The following EPHA5 variants were observed in gnomAD, a reference collection of about 807,000 sequenced individuals.
EPHA5 encodes EPH receptor A5, also known as ephrin type-A receptor 5.
A neutral mutation model predicts 105.0 loss-of-function variants in EPHA5; 60 were observed. The observed-to-expected ratio is 0.57, with a 90% CI of 0.46 to 0.71. The LOEUF is 0.71. EPHA5 is among the 30% of genes least tolerant of loss of function. The pLI is 0.00. For synonymous variants in EPHA5, 513 were observed against 449.1 expected, an observed-to-expected ratio of 1.14 and a Z score of -1.80; for missense variants, 1,218 against 1,274.7, an observed-to-expected ratio of 0.96 and a Z score of 0.68.
At chr4:65,504,141 G>A (rs948580696) in intron 3 of EPHA5, among the ~76,000 whole-genome samples, 9 of 151,098 alleles carry the variant, frequency 6.0e-5, no homozygotes, top group Non-Finnish European at 1.3e-4. Context: ...TTTTATAGAA[G>A]TGTTTTATCA....
intron 3 of EPHA5, among the ~76,000 whole-genome samples, chr4:65,503,463 T>C (rs1454223216): frequency 6.6e-6 from 1 of 151,938 alleles, no homozygotes; most frequent in Non-Finnish European, 1.5e-5. Context: ...AACTAGAATG[T>C]AAGTTTAAAT....
intron 3 of EPHA5, among the ~76,000 whole-genome samples, chr4:65,570,649 C>T (rs1740037268): frequency 6.6e-6 from 1 of 151,842 alleles, no homozygotes; most frequent in Admixed American, 6.6e-5. Flanking sequence ...AGAGATGACT[C>T]TTTCAGGTGG....
chr4:65,651,056 G>T (rs1372327068), intron 1 of EPHA5, among the ~76,000 whole-genome samples: 4 of 152,146 alleles, frequency 2.6e-5, no homozygotes, highest in Non-Finnish European at 1.5e-5. Context: ...CTGTGAAGGG[G>T]ATCTGCAAAG....
At chr4:65,557,626 C>A (rs2149351432) in intron 3 of EPHA5, among the ~76,000 whole-genome samples, 1 of 151,846 alleles carries the variant, frequency 6.6e-6, no homozygotes, top group Non-Finnish European at 1.5e-5. Flanking sequence ...GGTCAAAACC[C>A]TGGGAAATTT....
chr4:65,401,030 A>ATG (rs35494344), intron 8 of EPHA5, among the ~76,000 whole-genome samples: 36 of 150,232 alleles, frequency 2.4e-4, no homozygotes, highest in Non-Finnish European at 4.0e-4. Flanking sequence ...GATGGTAGTC[A>ATG]TGTGTGTGTG....
At chr4:65,477,455 C>T (rs1729934122) in intron 5 of EPHA5, among the ~76,000 whole-genome samples, 1 of 151,946 alleles carries the variant, frequency 6.6e-6, no homozygotes, top group Admixed American at 6.6e-5. Context: ...CTCTGTCGCC[C>T]AGGCTTGAGT....
At chr4:65,454,906 C>T (rs896313050) in intron 5 of EPHA5, among the ~76,000 whole-genome samples, 1 of 152,062 alleles carries the variant, frequency 6.6e-6, no homozygotes, top group Non-Finnish European at 1.5e-5. Context: ...TCTTTCTCAC[C>T]TCTGACTCTC....
intron 5 of EPHA5, among the ~76,000 whole-genome samples, chr4:65,468,647 C>CAT (rs1183655998): frequency 8.1e-5 from 3 of 36,902 alleles, no homozygotes; most frequent in African/African-American, 2.5e-4. Flanking sequence ...AACATATATA[C>CAT]ATATATATGT....
At chr4:65,515,963 T>C (rs901528321) in intron 3 of EPHA5, among the ~76,000 whole-genome samples, 1 of 152,166 alleles carries the variant, frequency 6.6e-6, no homozygotes, top group Non-Finnish European at 1.5e-5. Context: ...ATCAGAGCTC[T>C]TTGTTCTCAG....
At chr4:65,556,945 T>G (rs997659655) in intron 3 of EPHA5, among the ~76,000 whole-genome samples, 1 of 151,674 alleles carries the variant, frequency 6.6e-6, no homozygotes, top group African/African-American at 2.4e-5. Context: ...ATGGAATGAG[T>G]TTTCCTTCAC....
At chr4:65,331,156 T>C in intron 16 of EPHA5, 1 of 1,031,860 alleles carries the variant, frequency 9.7e-7, no homozygotes, top group Non-Finnish European at 1.2e-6. Flanking sequence ...TGGCAGGTAA[T>C]TTGAAGTAAG....
intron 3 of EPHA5, 131 bp downstream of exon 3, chr4:65,601,510 A>T: frequency 1.1e-6 from 1 of 946,490 alleles, no homozygotes; most frequent in South Asian, 2.0e-5. Context: ...AGAGAAAAAT[A>T]AAACTTGAGA....
chr4:65,477,929 G>A (rs1291417719), intron 5 of EPHA5, among the ~76,000 whole-genome samples: 2 of 152,174 alleles, frequency 1.3e-5, no homozygotes, highest in South Asian at 2.1e-4. Flanking sequence ...TTTTGGAAAT[G>A]AGGTGAGTCT....
At chr4:65,520,729 C>T (rs1286710392) in intron 3 of EPHA5, among the ~76,000 whole-genome samples, 2 of 152,068 alleles carry the variant, frequency 1.3e-5, no homozygotes, top group Non-Finnish European at 2.9e-5. Context: ...TGAACAGACA[C>T]TTCTCAAAAG....
At chr4:65,627,553 TC>T (rs1746263284) in intron 2 of EPHA5, among the ~76,000 whole-genome samples, 2 of 152,174 alleles carry the variant, frequency 1.3e-5, no homozygotes, top group Non-Finnish European at 2.9e-5. Flanking sequence ...GTAATGTTTG[TC>T]CTGTTTTGTA....
intron 3 of EPHA5, among the ~76,000 whole-genome samples, chr4:65,578,936 C>A (rs1253339219): frequency 4.6e-5 from 7 of 151,824 alleles, no homozygotes; most frequent in Non-Finnish European, 7.4e-5. Flanking sequence ...AATGTTAAGA[C>A]TACATTTTTG....
At chr4:65,410,044 T>C (rs922014165) in intron 7 of EPHA5, among the ~76,000 whole-genome samples, 3 of 152,160 alleles carry the variant, frequency 2.0e-5, no homozygotes, top group Non-Finnish European at 2.9e-5. Flanking sequence ...TACAATCCAG[T>C]GTTGTACTTT....
intron 5 of EPHA5, among the ~76,000 whole-genome samples, chr4:65,421,343 G>A (rs940831200): frequency 6.6e-6 from 1 of 152,028 alleles, no homozygotes; most frequent in African/African-American, 2.4e-5. Flanking sequence ...ATGTCTAAAA[G>A]ACATGGCAAC....
chr4:65,626,149 C>T (rs182680108), intron 2 of EPHA5, among the ~76,000 whole-genome samples: 1 of 149,688 alleles, frequency 6.7e-6, no homozygotes, highest in Admixed American at 6.7e-5. Context: ...TTGAATATCA[C>T]ATATAGCTAA....
Sources: gnomAD v4.1 joint callset for allele counts (sites outside exome capture counted in the v4.1 genomes callset) on GRCh38, gnomAD v4.1.1 for gene constraint, MANE v1.5 for transcripts, NCBI Gene and HGNC (gene_info 2026-07-23, HGNC 2026-07-21) for gene names.